The following EYS variants were observed in gnomAD, a reference collection of about 807,000 sequenced individuals.
EYS encodes protein eyes shut homolog.
EYS carries 250 observed loss-of-function variants against 282.1 expected under a neutral mutation model. That is an observed-to-expected ratio of 0.89 (90% CI 0.80 to 0.98). The LOEUF (loss-of-function observed/expected upper bound fraction) is 0.98, where lower values mean the gene tolerates loss of function less well. EYS is among the 50% of genes least tolerant of loss of function. The probability of loss-of-function intolerance (pLI) is 0.00; values close to 1 mark genes in which losing one functional copy is unlikely to be tolerated. For missense variants in EYS, 4,016 were observed against 3,709.0 expected, an observed-to-expected ratio of 1.08 and a Z score of -2.15; for synonymous variants, 1,355 against 1,282.9, an observed-to-expected ratio of 1.06 and a Z score of -1.20.
At chr6:65,357,770 G>C (rs1402068303) in intron 8 of EYS, among the ~76,000 whole-genome samples, 1 of 151,710 alleles carries the variant, frequency 6.6e-6, no homozygotes, top group Non-Finnish European at 1.5e-5. Flanking sequence ...TGAGTATGAA[G>C]TTCAAAAATG....
intron 5 of EYS, among the ~76,000 whole-genome samples, chr6:65,455,346 T>C (rs558976857): frequency 2.6e-5 from 4 of 152,290 alleles, no homozygotes; most frequent in African/African-American, 9.6e-5. Context: ...GTATGATGAT[T>C]TTACATCCTG....
chr6:64,308,635 T>C (rs886727207), intron 29 of EYS, among the ~76,000 whole-genome samples: 2 of 152,068 alleles, frequency 1.3e-5, no homozygotes, highest in African/African-American at 4.8e-5. Context: ...TTGTATCTTA[T>C]TGAATATATT....
intron 35 of EYS, among the ~76,000 whole-genome samples, chr6:63,943,931 G>A (rs1265026299): frequency 1.3e-5 from 2 of 152,180 alleles, no homozygotes; most frequent in African/African-American, 4.8e-5. Flanking sequence ...GTGGATGCAG[G>A]AAGAAAGGCT....
At chr6:64,298,281 T>C (rs1769109575) in intron 30 of EYS, among the ~76,000 whole-genome samples, 1 of 152,166 alleles carries the variant, frequency 6.6e-6, no homozygotes. Flanking sequence ...GTGTTATAAC[T>C]TTGGTTTATA....
chr6:65,481,834 T>C (rs1765617376), intron 5 of EYS, among the ~76,000 whole-genome samples: 1 of 152,174 alleles, frequency 6.6e-6, no homozygotes, highest in Admixed American at 6.5e-5. Context: ...CCTCCCAAAC[T>C]GCTGGGATTA....
intron 26 of EYS, among the ~76,000 whole-genome samples, chr6:64,532,280 G>A (rs367887322): frequency 6.6e-6 from 1 of 152,132 alleles, no homozygotes; most frequent in East Asian, 1.9e-4. Context: ...TGCTGAAGAC[G>A]TCATAATCTC....
At position 64,439,226 on chromosome 6, in the gene EYS, T is replaced by G. The variant is rs1774854347; in HGVS notation, c.5771A>C (p.Lys1924Thr). 1.3e-6 allele frequency: 2 copies of G among 1,495,354 alleles called. No homozygotes were observed. Among genetic ancestry groups the G allele is most frequent in the South Asian group, 1.4e-5 (1 of 72,116 alleles). The allele number at this position is 1,495,354 out of a possible 1,614,324, so 92.6% of individuals were successfully genotyped here. Residue 1924 changes from lysine (K) to threonine (T), a missense_variant, in exon 27 of 43, where the codon AAG (lysine) becomes ACG (threonine). Coordinates refer to ENST00000503581, the MANE Select transcript of EYS (RefSeq NM_001142800.2). ...TCCATCTACTAAATTTGAGTCTTGC[T>G]TGACATACAGCAGAAGTCCATAGGA... ...FSSYGLLLYVKQDSNLVDGFF... is the reference protein window; with the variant it reads ...FSSYGLLLYVTQDSNLVDGFF...
At chr6:65,487,635 AT>A (rs546116241) in intron 5 of EYS, among the ~76,000 whole-genome samples, 1 of 151,894 alleles carries the variant, frequency 6.6e-6, no homozygotes, top group Non-Finnish European at 1.5e-5. Flanking sequence ...CTAAAATTCT[AT>A]TTTTTTGTTT....
At chr6:65,155,522 G>A (rs1764711610) in intron 12 of EYS, among the ~76,000 whole-genome samples, 1 of 151,462 alleles carries the variant, frequency 6.6e-6, no homozygotes, top group Admixed American at 6.6e-5. Flanking sequence ...GATTAAATGA[G>A]TCTTGGAAAC....
intron 13 of EYS, among the ~76,000 whole-genome samples, chr6:65,056,017 T>A (rs551647046): frequency 6.6e-6 from 1 of 152,184 alleles, no homozygotes; most frequent in East Asian, 1.9e-4. Flanking sequence ...AGTACCTACA[T>A]AAATTATTTG....
At chr6:64,198,399 G>A (rs1405103054) in intron 31 of EYS, among the ~76,000 whole-genome samples, 1 of 152,020 alleles carries the variant, frequency 6.6e-6, no homozygotes, top group Non-Finnish European at 1.5e-5. Context: ...ATGGTGGTTT[G>A]CTACACCCAT....
At chr6:64,012,764 A>C (rs1768699638) in intron 33 of EYS, among the ~76,000 whole-genome samples, 1 of 152,184 alleles carries the variant, frequency 6.6e-6, no homozygotes, top group African/African-American at 2.4e-5. Flanking sequence ...CTCAGCACAA[A>C]ATAAATGTTA....
At chr6:63,963,527 T>A (rs1042852751) in intron 35 of EYS, among the ~76,000 whole-genome samples, 6 of 152,172 alleles carry the variant, frequency 3.9e-5, no homozygotes, top group Non-Finnish European at 8.8e-5. Flanking sequence ...AAAATGGCAT[T>A]GCTTTCTGCT....
chr6:64,523,599 G>A (rs1040077268), intron 26 of EYS, among the ~76,000 whole-genome samples: 4 of 151,700 alleles, frequency 2.6e-5, no homozygotes, highest in Non-Finnish European at 5.9e-5. Context: ...TTAGCAAGGA[G>A]GACATAAACT....
chr6:65,130,857 A>G (rs1775855798), intron 12 of EYS, among the ~76,000 whole-genome samples: 1 of 151,566 alleles, frequency 6.6e-6, no homozygotes, highest in African/African-American at 2.4e-5. Flanking sequence ...ATAATTAATA[A>G]GTTGTTTTTA....
rs573445764 is a variant in EYS at position 65,322,633 on chromosome 6, A to G, written c.1766+12347T>C. Among the ~76,000 whole-genome samples, 47 of 152,034 alleles carry G rather than the reference A, an allele frequency of 3.1e-4. No homozygotes were observed. The East Asian group carries it at 8.6e-3, about 28-fold the overall frequency. Reference sequence around the variant, plus strand: ...AACATGGTGAAATCCCGTCTCTACTAAAAATACAAAACTTAGCTGGGCCTG... The same window carrying G: ...AACATGGTGAAATCCCGTCTCTACTGAAAATACAAAACTTAGCTGGGCCTG... On this transcript the variant is annotated intron_variant, in intron 11 of 42. Coordinates refer to ENST00000503581, the MANE Select transcript of EYS (RefSeq NM_001142800.2).
intron 26 of EYS, among the ~76,000 whole-genome samples, chr6:64,465,144 C>T (rs114108642): frequency 1.2e-4 from 19 of 152,094 alleles, no homozygotes; most frequent in Non-Finnish European, 2.4e-4. Context: ...ATCCTTTGTT[C>T]ATATGTTTGA....
intron 24 of EYS, among the ~76,000 whole-genome samples, chr6:64,608,717 T>C (rs534048890): frequency 6.6e-6 from 1 of 152,236 alleles, no homozygotes; most frequent in South Asian, 2.1e-4. Context: ...AATGGAACAT[T>C]ATTCAGCCCT....
At chr6:64,235,252 A>T (rs1314367616) in intron 30 of EYS, among the ~76,000 whole-genome samples, 1 of 41,380 alleles carries the variant, frequency 2.4e-5, no homozygotes, top group African/African-American at 9.7e-5. Flanking sequence ...CCCCTACCCC[A>T]CAACAGTCCC....
Sources: gnomAD v4.1 joint callset for allele counts (sites outside exome capture counted in the v4.1 genomes callset) on GRCh38, gnomAD v4.1.1 for gene constraint, MANE v1.5 for transcripts, NCBI Gene and HGNC (gene_info 2026-07-23, HGNC 2026-07-21) for gene names.